The following KLF7 variants were observed in gnomAD, a reference collection of about 807,000 sequenced individuals.
The protein encoded by KLF7 is Krueppel-like factor 7.
KLF7 carries 2 observed loss-of-function variants against 27.3 expected under a neutral mutation model. The ratio of observed to expected loss-of-function variants is 0.07; its 90% CI spans 0.03 to 0.23. KLF7 has a LOEUF of 0.23. KLF7 is among the 10% of genes least tolerant of loss of function. The pLI is 1.00. For missense variants in KLF7, 221 were observed against 394.1 expected, an observed-to-expected ratio of 0.56 and a Z score of 3.72; for synonymous variants, 165 against 162.4, an observed-to-expected ratio of 1.02 and a Z score of -0.12.
intron 2 of KLF7, among the ~76,000 whole-genome samples, chr2:207,113,673 G>GTA (rs2077101323): frequency 1.3e-5 from 2 of 150,382 alleles, no homozygotes; most frequent in Non-Finnish European, 3.0e-5. Flanking sequence ...TGTGTAGCAG[G>GTA]CCCAGGCTGG....
chr2:207,134,000 G>T, intron 1 of KLF7: 3 of 1,253,536 alleles, frequency 2.4e-6, no homozygotes, highest in Non-Finnish European at 3.3e-6. Context: ...ACCCCCACCC[G>T]CTCCTGTTAA....
intron 1 of KLF7, among the ~76,000 whole-genome samples, chr2:207,157,532 A>C (rs1353257476): frequency 6.6e-6 from 1 of 152,230 alleles, no homozygotes; most frequent in East Asian, 1.9e-4. Context: ...GGAACTTGCA[A>C]ATATTGTGTA....
In KLF7 at chr2:207,079,696, T is replaced by G. The variant is rs1181954871; in HGVS notation, c.*1517A>C. 1 of 151,916 alleles carries G rather than the reference T, an allele frequency of 6.6e-6. No individual in the cohort carries two copies. Among genetic ancestry groups the G allele is most frequent in the East Asian group, 1.9e-4 (1 of 5,178 alleles). 9.4% of individuals were successfully genotyped at this position (151,916 alleles called of 1,614,324 possible). ...TTGGAGTCAGCTTGCAGAGTAAATG[T>G]GAGGCCTCTGTTAATCCTGGGGGTT... On this transcript the variant is annotated 3_prime_UTR_variant, in exon 4 of 4. Coordinates refer to ENST00000309446, the MANE Select transcript of KLF7 (RefSeq NM_003709.4).
chr2:207,099,972 A>T (rs72956395), intron 2 of KLF7, among the ~76,000 whole-genome samples: 14,768 of 152,134 alleles, frequency 0.097, 818 homozygotes, highest in Non-Finnish European at 0.12. Context: ...TCTACAAAAA[A>T]TTAAAAAATT....
At chr2:207,107,056 G>T (rs1458521726) in intron 2 of KLF7, among the ~76,000 whole-genome samples, 6 of 152,130 alleles carry the variant, frequency 3.9e-5, no homozygotes, top group African/African-American at 1.4e-4. Flanking sequence ...TCACGAAATG[G>T]CTGTTATCAT....
In KLF7 at chr2:207,104,943, C is replaced by A. The variant is rs2076846541; in HGVS notation, c.734-16362G>T. 2.0e-5 allele frequency among the ~76,000 whole-genome samples: 3 copies of A among 152,258 alleles called. No homozygotes were observed. In the South Asian group the frequency reaches 6.2e-4, roughly 32 times the overall value. ...GAATCGAATCTACTGAGACAGGAAG[C>A]CAGGAGTGCGAACTACAACTCATCT... On this transcript the variant is annotated intron_variant, in intron 2 of 3. Transcript: ENST00000309446.
At chr2:207,125,834 G>A (rs1333559562) in intron 1 of KLF7, among the ~76,000 whole-genome samples, 1 of 152,170 alleles carries the variant, frequency 6.6e-6, no homozygotes, top group Non-Finnish European at 1.5e-5. Flanking sequence ...GGTAGATGGA[G>A]AAGATATAGC....
chr2:207,163,608 C>G (rs2078612189), intron 1 of KLF7, among the ~76,000 whole-genome samples: 1 of 152,200 alleles, frequency 6.6e-6, no homozygotes, highest in Non-Finnish European at 1.5e-5. Context: ...ACTCTGAAAA[C>G]TTGAACCAAA....
intron 1 of KLF7, among the ~76,000 whole-genome samples, chr2:207,124,872 T>G (rs1574506037): frequency 6.6e-6 from 1 of 152,056 alleles, no homozygotes. Flanking sequence ...GTTTTCCCAC[T>G]TGCTCTGAAG....
chr2:207,160,216 A>G (rs2078503066), intron 1 of KLF7, among the ~76,000 whole-genome samples: 1 of 152,126 alleles, frequency 6.6e-6, no homozygotes. Context: ...TTGGGGTTAA[A>G]ACATTCCGCC....
At chr2:207,157,419 G>A (rs1422697371) in intron 1 of KLF7, among the ~76,000 whole-genome samples, 1 of 95,290 alleles carries the variant, frequency 1.0e-5, no homozygotes, top group Admixed American at 1.3e-4. Context: ...AAGGGGAGAG[G>A]GAGGAAGAGG....
Position 207,112,255 on chromosome 2 carries a change from A to T in KLF7, c.733+11519T>A, listed in dbSNP as rs147345628. On this transcript the variant is annotated intron_variant, in intron 2 of 3. Coordinates refer to ENST00000309446, the MANE Select transcript of KLF7 (RefSeq NM_003709.4). Reference sequence around the variant, plus strand: ...CCCTCTCTGTAAGTTTTTCTTTGATAACAAGATTTTCTTTTGCAATTTGAG... The same window carrying T: ...CCCTCTCTGTAAGTTTTTCTTTGATTACAAGATTTTCTTTTGCAATTTGAG... Among the ~76,000 whole-genome samples, 64 of 151,924 alleles carry T rather than the reference A, an allele frequency of 4.2e-4. No individual in the cohort carries two copies. In the East Asian group the frequency reaches 7.6e-3, roughly 18 times the overall value.
At chr2:207,124,468 C>T (rs776107201) in intron 1 of KLF7, 64 bp from the exon 2 acceptor site, 19 of 1,452,164 alleles carry the variant, frequency 1.3e-5, no homozygotes, top group Admixed American at 4.5e-5. Context: ...TGAGGCCACA[C>T]GTTGACAGGC....
At chr2:207,154,647 T>C (rs138541298) in intron 1 of KLF7, among the ~76,000 whole-genome samples, 22 of 152,262 alleles carry the variant, frequency 1.4e-4, no homozygotes, top group East Asian at 3.9e-4. Flanking sequence ...AGAAAGAGCA[T>C]TGTGCCTCTG....
intron 2 of KLF7, among the ~76,000 whole-genome samples, chr2:207,112,290 C>T (rs576106625): frequency 2.6e-5 from 4 of 152,006 alleles, no homozygotes; most frequent in East Asian, 1.9e-4. Context: ...GCACTACTAA[C>T]GGCTAGCTGG....
chr2:207,079,982 G>A lies in KLF7; in HGVS notation c.*1231C>T, dbSNP rs1265702428. ...CCTCAGTTTTCCCCACTCCTGGAAA[G>A]AGTGATATTTTTGGCTTTTTGTCAG... On this transcript the variant is annotated 3_prime_UTR_variant, in exon 4 of 4. Coordinates refer to ENST00000309446, the MANE Select transcript of KLF7 (RefSeq NM_003709.4). 6.6e-6 allele frequency: 1 copy of A among 152,232 alleles called. No homozygotes were observed. Among genetic ancestry groups the A allele is most frequent in the African/African-American group, 2.4e-5 (1 of 41,460 alleles). 9.4% of individuals were successfully genotyped at this position (152,232 alleles called of 1,614,324 possible). A position where few individuals can be genotyped will look rare whatever the true frequency, so the allele number is the denominator to read the frequency against.
At chr2:207,104,441 G>C (rs748667932) in intron 2 of KLF7, among the ~76,000 whole-genome samples, 1 of 152,160 alleles carries the variant, frequency 6.6e-6, no homozygotes, top group Non-Finnish European at 1.5e-5. Context: ...CAAGACTTGT[G>C]GTCCAATTCC....
chr2:207,171,394 A>T (rs183843692), upstream of KLF7, among the ~76,000 whole-genome samples: 3 of 152,212 alleles, frequency 2.0e-5, no homozygotes, highest in East Asian at 5.8e-4. Context: ...ATTATTATAC[A>T]TAAAATGAGT....
intron 2 of KLF7, among the ~76,000 whole-genome samples, chr2:207,102,929 TTTTA>T (rs1453934675): frequency 5.9e-5 from 9 of 152,134 alleles, no homozygotes; most frequent in Non-Finnish European, 7.3e-5. Context: ...CAAGCTGTAC[TTTTA>T]TTTATTTATT....
Sources: allele counts gnomAD v4.1 joint callset (sites outside exome capture counted in the v4.1 genomes callset), GRCh38; gene constraint gnomAD v4.1.1; transcripts MANE v1.5; gene names NCBI Gene and HGNC (gene_info 2026-07-23, HGNC 2026-07-21).